RUNX2: variants seen among roughly 807,000 people sequenced by gnomAD.
The protein encoded by RUNX2 is runt-related transcription factor 2.
RUNX2 carries 10 observed loss-of-function variants against 51.7 expected under a neutral mutation model. That is an observed-to-expected ratio of 0.19 (90% CI 0.12 to 0.33). The LOEUF (loss-of-function observed/expected upper bound fraction) is 0.33. Ranked by LOEUF, RUNX2 falls within the 10% of genes least tolerant of loss-of-function variation. The pLI is 1.00. For missense variants in RUNX2, 562 were observed against 691.3 expected, an observed-to-expected ratio of 0.81 and a Z score of 2.10; for synonymous variants, 276 against 273.6, an observed-to-expected ratio of 1.01 and a Z score of -0.09.
chr6:45,348,887 CTA>C (rs1166534544), intron 2 of RUNX2, among the ~76,000 whole-genome samples: 1 of 152,134 alleles, frequency 6.6e-6, no homozygotes, highest in African/African-American at 2.4e-5. Flanking sequence ...CCCCATTACA[CTA>C]TCTCATAGTA....
At chr6:45,333,463 T>C (rs1787921704) in intron 2 of RUNX2, among the ~76,000 whole-genome samples, 1 of 151,504 alleles carries the variant, frequency 6.6e-6, no homozygotes, top group East Asian at 1.9e-4. Context: ...TCCTCCCCTT[T>C]ATACTATTTA....
At chr6:45,535,992 AAC>A (rs376297048) in intron 7 of RUNX2, among the ~76,000 whole-genome samples, 2 of 151,966 alleles carry the variant, frequency 1.3e-5, no homozygotes, top group Non-Finnish European at 2.9e-5. Context: ...AGAGTCTAGA[AAC>A]ACACACACAC....
At chr6:45,472,366 G>GT (rs1799828768) in intron 5 of RUNX2, among the ~76,000 whole-genome samples, 1 of 152,182 alleles carries the variant, frequency 6.6e-6, no homozygotes, top group South Asian at 2.1e-4. Context: ...TCAGTCAGAT[G>GT]TATATGATGT....
intron 7 of RUNX2, among the ~76,000 whole-genome samples, chr6:45,523,501 C>A (rs1801571210): frequency 6.6e-6 from 1 of 151,846 alleles, no homozygotes; most frequent in Non-Finnish European, 1.5e-5. Context: ...AAACTCCTGA[C>A]CTCAGGTGAT....
intron 6 of RUNX2, among the ~76,000 whole-genome samples, chr6:45,508,179 C>G (rs1801031872): frequency 7.1e-6 from 1 of 141,222 alleles, no homozygotes. Context: ...TATGCTAGAT[C>G]TAGTGAACCC....
rs377556026 is a variant in RUNX2, at chr6:45,404,644, A to G, written c.59-17949A>G. ...GGTGCCTGTCTGCAGCATATTAGAC[A>G]TCAACAGACAGACCTGATTATTACT... On this transcript the variant is annotated intron_variant, in intron 2 of 8. Transcript: ENST00000647337. Among the ~76,000 whole-genome samples, 18 of 152,384 alleles carry G rather than the reference A, an allele frequency of 1.2e-4. No homozygotes were observed. In the East Asian group the frequency reaches 1.7e-3, roughly 15 times the overall value.
At chr6:45,340,101 AAGT>A (rs1789441832) in intron 2 of RUNX2, among the ~76,000 whole-genome samples, 1 of 152,168 alleles carries the variant, frequency 6.6e-6, no homozygotes, top group South Asian at 2.1e-4. Context: ...GATCTAAATG[AAGT>A]TACTTCCTAG....
intron 5 of RUNX2, among the ~76,000 whole-genome samples, chr6:45,489,190 T>A (rs1378222805): frequency 2.6e-5 from 4 of 152,214 alleles, no homozygotes; most frequent in Non-Finnish European, 5.9e-5. Flanking sequence ...TATGTGTGCA[T>A]CTGCAGATAA....
intron 6 of RUNX2, among the ~76,000 whole-genome samples, chr6:45,507,072 C>T (rs987954033): frequency 6.6e-6 from 1 of 151,476 alleles, no homozygotes; most frequent in African/African-American, 2.4e-5. Context: ...TGACCTATAA[C>T]TGCAGTCAGC....
At chr6:45,369,978 G>A (rs1795783578) in intron 2 of RUNX2, among the ~76,000 whole-genome samples, 1 of 152,138 alleles carries the variant, frequency 6.6e-6, no homozygotes, top group South Asian at 2.1e-4. Context: ...TAGCAAGAGG[G>A]CAGATCTTAT....
In RUNX2 at chr6:45,438,068, T is replaced by A; in HGVS notation, c.685+17T>A. On this transcript the variant is annotated intron_variant, in intron 5 of 8. Transcript: ENST00000647337. The stretch of plus-strand genomic sequence containing the variant: ...AACCCAGAAGTAAGTACTCCCCTTT[T>A]TATTGAAGAAAGTAATAGAGTTTCC... 1 of 1,463,640 alleles carries A rather than the reference T, an allele frequency of 6.8e-7. No homozygotes were observed. The highest frequency in any genetic ancestry group is 1.4e-5 in the African/African-American group (1 of 71,934). 90.7% of individuals were successfully genotyped at this position (1,463,640 alleles called of 1,614,324 possible). A position where few individuals can be genotyped will look rare whatever the true frequency, so the allele number is the denominator to read the frequency against.
At chr6:45,373,247 A>C (rs1796335680) in intron 2 of RUNX2, among the ~76,000 whole-genome samples, 3 of 151,942 alleles carry the variant, frequency 2.0e-5, no homozygotes, top group African/African-American at 7.3e-5. Context: ...GCCGGCCACG[A>C]TTTTCATGTT....
At chr6:45,391,526 G>A (rs1797469942) in intron 2 of RUNX2, among the ~76,000 whole-genome samples, 1 of 151,982 alleles carries the variant, frequency 6.6e-6, no homozygotes, top group South Asian at 2.1e-4. Context: ...TGCTAAAATG[G>A]CCTAACACAA....
chr6:45,453,150 A>T (rs1003030498), intron 5 of RUNX2, among the ~76,000 whole-genome samples: 11 of 151,930 alleles, frequency 7.2e-5, no homozygotes, highest in African/African-American at 2.4e-4. Flanking sequence ...TCTTCTAAAG[A>T]TTTGTAAAAG....
At chr6:45,412,577 C>T (rs1428456415) in intron 2 of RUNX2, among the ~76,000 whole-genome samples, 4 of 151,982 alleles carry the variant, frequency 2.6e-5, no homozygotes, top group Non-Finnish European at 5.9e-5. Context: ...AATATATTCT[C>T]TGGGCAAAGA....
intron 5 of RUNX2, among the ~76,000 whole-genome samples, chr6:45,485,450 C>T (rs1351816230): frequency 1.3e-5 from 2 of 151,708 alleles, no homozygotes; most frequent in Non-Finnish European, 2.9e-5. Context: ...GATCTGCTCG[C>T]CTCGGCCTCC....
chr6:45,424,438 G>T (rs550369322), intron 3 of RUNX2, among the ~76,000 whole-genome samples: 38 of 152,314 alleles, frequency 2.5e-4, no homozygotes, highest in African/African-American at 8.9e-4. Context: ...CTCTCAGAAA[G>T]GTGCTTTGGG....
chr6:45,418,960 A>G (rs994308833), intron 2 of RUNX2, among the ~76,000 whole-genome samples: 4 of 152,230 alleles, frequency 2.6e-5, no homozygotes, highest in African/African-American at 7.2e-5. Flanking sequence ...AGATATGATT[A>G]ATTAAAATAA....
At chr6:45,413,489 G>T (rs963309910) in intron 2 of RUNX2, among the ~76,000 whole-genome samples, 2 of 141,268 alleles carry the variant, frequency 1.4e-5, no homozygotes, top group Non-Finnish European at 3.0e-5. Flanking sequence ...GGAGTGCAGT[G>T]GAGTGATCTT....
Sources: gnomAD v4.1 joint callset for allele counts (sites outside exome capture counted in the v4.1 genomes callset) on GRCh38, gnomAD v4.1.1 for gene constraint, MANE v1.5 for transcripts, NCBI Gene and HGNC (gene_info 2026-07-23, HGNC 2026-07-21) for gene names.